Variants in CMC1 observed in about 807,000 individuals in gnomAD.
CMC1 encodes the protein C-X9-C motif containing 1, also known as COX assembly mitochondrial protein homolog.
A neutral mutation model predicts 14.1 loss-of-function variants in CMC1; 14 were observed. The observed-to-expected ratio is 0.99, with a 90% CI of 0.66 to 1.55. CMC1 has a LOEUF of 1.55. Among genes scored for constraint, CMC1 ranks in the 40% most tolerant of loss-of-function variants. The pLI, the probability that CMC1 is intolerant of heterozygous loss-of-function variation, is 0.00. For synonymous variants in CMC1, 50 were observed against 38.4 expected (o/e 1.30, Z -1.12); for missense variants, 127 against 123.8 (o/e 1.03, Z -0.12).
chr3:28,322,216 C>G lies in CMC1; in HGVS notation c.*2587C>G, dbSNP rs1043889235. ...TATACCTGTTTGATAGCTATCATCA[C>G]TGTACTGTTTAAATGGAAAATAATT... On this transcript the variant is annotated 3_prime_UTR_variant, in exon 4 of 4. Coordinates refer to ENST00000466830, the MANE Select transcript of CMC1 (RefSeq NM_182523.2). 6.6e-6 allele frequency: 1 copy of G among 151,220 alleles called. No individual in the cohort carries two copies. The highest frequency in any genetic ancestry group is 1.5e-5 in the Non-Finnish European group (1 of 67,420). The allele number at this position is 151,220 out of a possible 1,614,324, so 9.4% of individuals were successfully genotyped here. A position where few individuals can be genotyped will look rare whatever the true frequency, so the allele number is the denominator to read the frequency against.
intron 2 of CMC1, among the ~76,000 whole-genome samples, chr3:28,283,551 C>CAAAAAAAAAAAAAAAA (rs5847510): frequency 1.7e-5 from 2 of 118,266 alleles, no homozygotes; most frequent in African/African-American, 3.1e-5. Context: ...ACAACAAAAA[C>CAAAAAAAAAAAAAAAA]AAAAAAAAAA....
At position 28,321,985 on chromosome 3, in the gene CMC1, T is replaced by G. The variant is rs1380577648; in HGVS notation, c.*2356T>G. The G allele has an allele frequency of 4.6e-5, 7 of 151,322 alleles. No homozygotes were observed. The highest frequency in any genetic ancestry group is 1.5e-4 in the African/African-American group (6 of 41,332). 9.4% of individuals were successfully genotyped at this position (151,322 alleles called of 1,614,324 possible). ...TCAGCTAGTATGAAAGAAGTCAACA[T>G]AAAATATTCAATTTTAAATAGATTC... On this transcript the variant is annotated 3_prime_UTR_variant, in exon 4 of 4. Coordinates refer to ENST00000466830, the MANE Select transcript of CMC1 (RefSeq NM_182523.2).
intron 2 of CMC1, among the ~76,000 whole-genome samples, chr3:28,304,996 A>G (rs1027857256): frequency 6.6e-6 from 1 of 152,148 alleles, no homozygotes; most frequent in African/African-American, 2.4e-5. Flanking sequence ...AGTATATTGT[A>G]TAATGCAGTG....
At chr3:28,279,889 C>A (rs993324707) in intron 2 of CMC1, among the ~76,000 whole-genome samples, 1 of 152,174 alleles carries the variant, frequency 6.6e-6, no homozygotes, top group Non-Finnish European at 1.5e-5. Context: ...ACAAAACACA[C>A]ATCTGCCCAG....
At chr3:28,253,636 AAC>A in intron 1 of CMC1, 1 of 669,686 alleles carries the variant, frequency 1.5e-6, no homozygotes, top group African/African-American at 1.9e-5. Context: ...CAAAAAGCTA[AAC>A]AAACAAAGAA....
intron 1 of CMC1, among the ~76,000 whole-genome samples, chr3:28,242,781 T>C (rs1365167063): frequency 6.6e-6 from 1 of 152,124 alleles, no homozygotes; most frequent in Non-Finnish European, 1.5e-5. Context: ...ATTTGAAGCA[T>C]AGAGGAGTTC....
chr3:28,293,103 A>G (rs1046656137), intron 2 of CMC1: 4 of 152,044 alleles, frequency 2.6e-5, no homozygotes, highest in Non-Finnish European at 5.9e-5. Flanking sequence ...CTAAATAGTA[A>G]TTTTGTGGGA....
intron 2 of CMC1, among the ~76,000 whole-genome samples, chr3:28,288,916 CTG>C (rs1231014365): frequency 1.3e-5 from 2 of 151,434 alleles, no homozygotes; most frequent in Non-Finnish European, 3.0e-5. Flanking sequence ...ACTTTGTAAA[CTG>C]TAGCATTTTA....
chr3:28,279,120 G>C (rs1358868819), intron 2 of CMC1, among the ~76,000 whole-genome samples: 1 of 152,118 alleles, frequency 6.6e-6, no homozygotes, highest in Non-Finnish European at 1.5e-5. Context: ...CTACCCGAAA[G>C]CACTGGAGAG....
chr3:28,323,747 CA>C lies in CMC1; in HGVS notation c.*4122del, dbSNP rs1421083965. 3 of 218,230 alleles carry C rather than the reference CA, an allele frequency of 1.4e-5. No homozygotes were observed. Among genetic ancestry groups the C allele is most frequent in the South Asian group, 3.5e-4 (2 of 5,746 alleles). 13.5% of individuals were successfully genotyped at this position (218,230 alleles called of 1,614,324 possible). A position where few individuals can be genotyped will look rare whatever the true frequency, so the allele number is the denominator to read the frequency against. On this transcript the variant is annotated 3_prime_UTR_variant, in exon 4 of 4. Transcript: ENST00000466830. ...TCTCCAATTCCATTCTTCTGAGAGG[CA>C]AAATTTTACAATTAATATAGAAGGC...
intron 2 of CMC1, among the ~76,000 whole-genome samples, chr3:28,276,754 T>G (rs1402699146): frequency 6.6e-6 from 1 of 152,178 alleles, no homozygotes. Flanking sequence ...AAATACATTT[T>G]TATAGGAATC....
intron 1 of CMC1, among the ~76,000 whole-genome samples, chr3:28,253,357 G>A (rs1352334295): frequency 6.6e-6 from 1 of 152,056 alleles, no homozygotes; most frequent in Non-Finnish European, 1.5e-5. Flanking sequence ...TGGGTGGATC[G>A]CTTGAGTCCA....
Position 28,263,274 on chromosome 3 carries a change from G to C in CMC1, c.20-17G>C. On this transcript the variant is annotated splice_polypyrimidine_tract_variant and intron_variant, in intron 1 of 3. Transcript: ENST00000466830. Reference sequence around the variant, plus strand: ...TTTGCTTGAGACTTTATTAAAGAAAGATCTTTTTTTTTTCAGACCAGCATC... The same window carrying C: ...TTTGCTTGAGACTTTATTAAAGAAACATCTTTTTTTTTTCAGACCAGCATC... 1 of 1,557,962 alleles carries C rather than the reference G, an allele frequency of 6.4e-7. No individual in the cohort carries two copies. The highest frequency in any genetic ancestry group is 8.7e-7 in the Non-Finnish European group (1 of 1,143,984).
At chr3:28,247,007 A>T (rs1372403658) in intron 1 of CMC1, among the ~76,000 whole-genome samples, 1 of 152,004 alleles carries the variant, frequency 6.6e-6, no homozygotes, top group Non-Finnish European at 1.5e-5. Context: ...TGTATTTTCA[A>T]TCGTTTGTAC....
intron 1 of CMC1, among the ~76,000 whole-genome samples, chr3:28,243,444 A>G (rs553938457): frequency 1.9e-4 from 29 of 152,240 alleles, no homozygotes; most frequent in African/African-American, 6.7e-4. Flanking sequence ...AAAGATTTCC[A>G]TATATCTACA....
rs1703303998 is a variant in CMC1 at position 28,324,428 on chromosome 3, C to T, written c.*4799C>T. On this transcript the variant is annotated 3_prime_UTR_variant, in exon 4 of 4. Transcript: ENST00000466830. ...AGTTTTGTGCTGTCTCTTCCAAGGT[C>T]TTCACTGCATCCTACAGGGGCACAG... is the stretch of plus-strand genomic sequence containing the variant. 5 of 1,515,706 alleles carry T rather than the reference C, an allele frequency of 3.3e-6. No individual in the cohort carries two copies. The highest frequency in any genetic ancestry group is 3.6e-4 in the Middle Eastern group (2 of 5,616). The allele number at this position is 1,515,706 out of a possible 1,614,324, so 93.9% of individuals were successfully genotyped here.
At chr3:28,298,514 A>G (rs1290537991) in intron 2 of CMC1, among the ~76,000 whole-genome samples, 1 of 150,194 alleles carries the variant, frequency 6.7e-6, no homozygotes, top group Non-Finnish European at 1.5e-5. Context: ...GTTAGTACAT[A>G]CTAAGTATTC....
intron 2 of CMC1, among the ~76,000 whole-genome samples, chr3:28,307,405 T>C (rs2125590839): frequency 6.6e-6 from 1 of 152,304 alleles, no homozygotes; most frequent in East Asian, 1.9e-4. Context: ...GCTGCACACC[T>C]GTAGTCCTAG....
chr3:28,316,250 T>TG (rs1702908358), intron 2 of CMC1, 83 bp from the exon 3 acceptor site: 1 of 689,210 alleles, frequency 1.5e-6, no homozygotes, highest in Non-Finnish European at 2.3e-6. Flanking sequence ...TCTTTTTTTT[T>TG]TTCTAAAAAG....
Sources: gnomAD v4.1 joint callset for allele counts (sites outside exome capture counted in the v4.1 genomes callset) on GRCh38, gnomAD v4.1.1 for gene constraint, MANE v1.5 for transcripts, NCBI Gene and HGNC (gene_info 2026-07-23, HGNC 2026-07-21) for gene names.